OGA: variants seen among roughly 807,000 people sequenced by gnomAD.
OGA encodes O-GlcNAcase, also known as protein O-GlcNAcase.
Under a neutral mutation model 102.0 loss-of-function variants are expected in OGA, and 21 were observed. The ratio of observed to expected loss-of-function variants is 0.21; its 90% CI spans 0.15 to 0.30. The LOEUF (loss-of-function observed/expected upper bound fraction) is 0.30, where lower values mean the gene tolerates loss of function less well. Ranked by LOEUF, OGA falls within the 10% of genes least tolerant of loss-of-function variation. OGA has a pLI of 1.00. For synonymous variants in OGA, 408 were observed against 378.2 expected, an observed-to-expected ratio of 1.08 and a Z score of -0.91; for missense variants, 765 against 1,107.8, an observed-to-expected ratio of 0.69 and a Z score of 4.39.
At chr10:101,804,530 C>T (rs966092116) in intron 6 of OGA, among the ~76,000 whole-genome samples, 3 of 152,150 alleles carry the variant, frequency 2.0e-5, no homozygotes, top group African/African-American at 7.2e-5. Context: ...GCCTCGGCCT[C>T]CCAAAGTGCT....
intron 14 of OGA, among the ~76,000 whole-genome samples, chr10:101,790,322 G>C (rs2065244778): frequency 6.9e-6 from 1 of 145,060 alleles, no homozygotes; most frequent in African/African-American, 2.6e-5. Context: ...GCCCCGGCTG[G>C]AGTGCAGTGG....
At chr10:101,787,565 A>G (rs2065205464) in intron 14 of OGA, 42 bp from the exon 15 acceptor site, 1 of 1,536,786 alleles carries the variant, frequency 6.5e-7, no homozygotes, top group South Asian at 1.1e-5. Context: ...ATAGTTACGC[A>G]TTAGATATCT....
intron 14 of OGA, chr10:101,787,967 A>T (rs1367616915): frequency 6.6e-6 from 1 of 151,932 alleles, no homozygotes; most frequent in Non-Finnish European, 1.5e-5. Context: ...TGTCTCTACT[A>T]AAAAAAAATA....
intron 14 of OGA, among the ~76,000 whole-genome samples, chr10:101,788,518 C>A (rs2065218880): frequency 1.3e-5 from 2 of 150,492 alleles, no homozygotes; most frequent in South Asian, 4.2e-4. Context: ...AGGTGAATCA[C>A]AAGGTCAGGA....
chr10:101,793,386 C>T (rs564792282), intron 11 of OGA, among the ~76,000 whole-genome samples: 9 of 152,138 alleles, frequency 5.9e-5, no homozygotes, highest in South Asian at 2.1e-4. Flanking sequence ...GTTTGCTGTG[C>T]GCAGCAGAGC....
chr10:101,811,406 G>GAA (rs67433227), intron 3 of OGA, among the ~76,000 whole-genome samples: 656 of 45,682 alleles, frequency 0.014, 28 homozygotes, highest in Middle Eastern at 0.11. Flanking sequence ...GAAAAAAAAT[G>GAA]AAAAAAAAAA....
intron 9 of OGA, among the ~76,000 whole-genome samples, chr10:101,798,457 C>A (rs1474334559): frequency 2.0e-5 from 3 of 147,552 alleles, no homozygotes; most frequent in Non-Finnish European, 3.0e-5. Flanking sequence ...GTCACCCAGG[C>A]TGGAGTACAA....
intron 12 of OGA, among the ~76,000 whole-genome samples, chr10:101,792,170 C>G (rs1332112562): frequency 6.6e-6 from 1 of 152,158 alleles, no homozygotes; most frequent in Non-Finnish European, 1.5e-5. Context: ...AGGCACCCAC[C>G]ACCGCACCCA....
intron 14 of OGA, among the ~76,000 whole-genome samples, chr10:101,789,821 C>T (rs2065235457): frequency 6.6e-6 from 1 of 152,026 alleles, no homozygotes. Context: ...AAAAAAAATA[C>T]AAAAAAGTTA....
chr10:101,803,797 A>G lies in OGA; in HGVS notation c.974T>C (p.Ile325Thr). 1 of 1,614,174 alleles carries G rather than the reference A, an allele frequency of 6.2e-7. No individual in the cohort carries two copies. Among genetic ancestry groups the G allele is most frequent in the South Asian group, 1.1e-5 (1 of 91,086 alleles). ...NCEFEANYVA[I>T]HTLATWYKSN... is the part of the protein sequence containing the mutation. ...TTTGTACCAGGTGGCAAGGGTGTGG[A>G]TAGCAACGTAGTTGGCTTCAAATTC... The change falls in exon 7 of 16, where the codon ATC (isoleucine) becomes ACC (threonine). Residue 325 changes from isoleucine to threonine, a missense_variant. Around this residue, in one of 7 missense-constraint regions of OGA, gnomAD observed 33 missense variants for 52.5 expected, o/e 0.63. Transcript: ENST00000361464.
rs771852195 is a variant in OGA at position 101,787,418 on chromosome 10, G to C, written c.2560C>G (p.Pro854Ala). 6.2e-7 allele frequency: 1 copy of C among 1,614,050 alleles called. No homozygotes were observed. The highest frequency in any genetic ancestry group is 8.5e-7 in the Non-Finnish European group (1 of 1,179,946). The change falls in exon 15 of 16, where the codon CCA (proline) becomes GCA (alanine). Residue 854 changes from proline to alanine, a missense_variant. This residue lies in a region of OGA where 146 missense variants were observed against 269.7 expected (regional missense o/e 0.54). Coordinates refer to ENST00000361464, the MANE Select transcript of OGA (RefSeq NM_012215.5). ...GCCATCATGCTTTTGGCCACACTTG[G>C]GTCAGTTACTTTTTTGTGAATGTCC... Reference protein sequence around the residue: ...KMDIHKKVTDPSVAKSMMACL... With the variant: ...KMDIHKKVTDASVAKSMMACL...
intron 11 of OGA, chr10:101,793,627 ATTGC>A: frequency 3.8e-6 from 1 of 262,404 alleles, no homozygotes; most frequent in Non-Finnish European, 7.4e-6. Context: ...CGCATTGTGC[ATTGC>A]GGGCGCAGAT....
chr10:101,810,134 C>T, intron 4 of OGA, 50 bp downstream of exon 4: 1 of 1,498,278 alleles, frequency 6.7e-7, no homozygotes, highest in Non-Finnish European at 9.1e-7. Context: ...GAGTAAACTT[C>T]TAGTTTCAAG....
In OGA at chr10:101,813,554, CCT is replaced by C; in HGVS notation, c.250_251del (p.Arg84AlafsTer16). On this transcript the variant is annotated frameshift_variant and splice_region_variant, in exon 2 of 16. Coordinates refer to ENST00000361464, the MANE Select transcript of OGA (RefSeq NM_012215.5). LOFTEE classifies it high-confidence loss of function. ...VMEQRKELFRRLQKWELNTYL... is the reference protein window; with the variant it reads ...VMEQRKELFRXLQKWELNTYL... The stretch of plus-strand genomic sequence containing the variant: ...CTCTCCTTCATATAATGAAGATTTA[CCT>C]TCTAAAGAGTTCTTTTCTCTGTTCC... The C allele has an allele frequency of 6.5e-7, 1 of 1,532,896 alleles. No homozygotes were observed. Among genetic ancestry groups the C allele is most frequent in the Non-Finnish European group, 8.9e-7 (1 of 1,118,128 alleles). 95.0% of individuals were successfully genotyped at this position (1,532,896 alleles called of 1,614,324 possible). A position where few individuals can be genotyped will look rare whatever the true frequency, so the allele number is the denominator to read the frequency against.
At chr10:101,810,137 G>C (rs369201120) in intron 4 of OGA, 47 bp downstream of exon 4, 1 of 1,516,106 alleles carries the variant, frequency 6.6e-7, no homozygotes, top group African/African-American at 1.4e-5. Context: ...TAAACTTCTA[G>C]TTTCAAGTAC....
intron 10 of OGA, among the ~76,000 whole-genome samples, chr10:101,794,680 T>A (rs2065295472): frequency 6.6e-6 from 1 of 152,214 alleles, no homozygotes; most frequent in African/African-American, 2.4e-5. Flanking sequence ...TATGACAGTA[T>A]CTGGTTCCTC....
chr10:101,817,055 A>G (rs1305333869), intron 1 of OGA, among the ~76,000 whole-genome samples: 1 of 152,228 alleles, frequency 6.6e-6, no homozygotes, highest in African/African-American at 2.4e-5. Flanking sequence ...TGCAAGGTGG[A>G]CTATCTGTCC....
At chr10:101,801,109 G>C (rs374912667) in intron 7 of OGA, among the ~76,000 whole-genome samples, 1 of 151,898 alleles carries the variant, frequency 6.6e-6, no homozygotes, top group South Asian at 2.1e-4. Context: ...AAAAAGAAGA[G>C]GCCAGGCATG....
chr10:101,797,896 C>A (rs750573550), intron 10 of OGA, 84 bp downstream of exon 10: 15 of 1,372,570 alleles, frequency 1.1e-5, no homozygotes, highest in Non-Finnish European at 1.5e-5. Context: ...GTGCCAATTC[C>A]CTAAATGTTT....
Sources: allele counts gnomAD v4.1 joint callset (sites outside exome capture counted in the v4.1 genomes callset), GRCh38; gene constraint gnomAD v4.1.1; regional missense constraint gnomAD v4.1.1; transcripts MANE v1.5; gene names NCBI Gene and HGNC (gene_info 2026-07-23, HGNC 2026-07-21).